The following ASF1B variants were observed in gnomAD, a reference collection of about 807,000 sequenced individuals.
The protein encoded by ASF1B is histone chaperone ASF1B.
ASF1B carries 10 observed loss-of-function variants against 16.6 expected under a neutral mutation model. The ratio of observed to expected loss-of-function variants is 0.60; its 90% confidence interval spans 0.37 to 1.02. ASF1B has a LOEUF of 1.02. Among genes scored for constraint, ASF1B ranks in the 50% least tolerant of loss-of-function variants. The pLI, the probability that ASF1B is intolerant of heterozygous loss-of-function variation, is 0.01. For missense variants in ASF1B, 240 were observed against 266.0 expected (o/e 0.90, Z 0.68); for synonymous variants, 101 against 106.2 (o/e 0.95, Z 0.30).
chr19:14,121,483 A>G lies in ASF1B; in HGVS notation c.402+49T>C, dbSNP rs372374213. On this transcript the variant is annotated intron_variant, in intron 3 of 3. Coordinates refer to ENST00000263382, the MANE Select transcript of ASF1B (RefSeq NM_018154.3). ...AATTTGAATGGCTGAACTCCCCCCA[A>G]GTATAAAGAACGGCCTTGTGGGAAG... The G allele has an allele frequency of 2.0e-4, 318 of 1,580,394 alleles. 1 individual carries two copies. The highest frequency in any genetic ancestry group is 5.4e-4 in the Admixed American group (31 of 57,154).
rs751350969 is a variant in ASF1B, at chr19:14,121,515, G to T, written c.402+17C>A. The T allele has an allele frequency of 8.7e-6, 14 of 1,609,794 alleles. No homozygotes were observed. Among genetic ancestry groups the T allele is most frequent in the Non-Finnish European group, 8.5e-7 (1 of 1,177,108 alleles). On this transcript the variant is annotated intron_variant, in intron 3 of 3. Transcript: ENST00000263382. ...AGAACGGCCTTGTGGGAAGCAGGAAGTGGAAACAGGCCCCACCTGGGAGAA... is the reference window on the plus strand; with the variant it reads ...AGAACGGCCTTGTGGGAAGCAGGAATTGGAAACAGGCCCCACCTGGGAGAA...
At chr19:14,121,509 C>G in intron 3 of ASF1B, 23 bp downstream of exon 3, 1 of 1,607,648 alleles carries the variant, frequency 6.2e-7, no homozygotes, top group African/African-American at 1.3e-5. Flanking sequence ...TTGTGGGAAG[C>G]AGGAAGTGGA....
At position 14,119,529 on chromosome 19, in the gene ASF1B, T is replaced by C. The variant is rs1967200892; in HGVS notation, c.*930A>G. 6.6e-6 allele frequency: 1 copy of C among 152,662 alleles called. No individual in the cohort carries two copies. The highest frequency in any genetic ancestry group is 1.5e-5 in the Non-Finnish European group (1 of 68,048). The allele number at this position is 152,662 out of a possible 1,614,324, so 9.5% of individuals were successfully genotyped here. The stretch of plus-strand genomic sequence containing the variant: ...AACAATCATTCTAAATGAAGTGCTT[T>C]TAATTTTCAGACCAAACATTTTTAA... On this transcript the variant is annotated 3_prime_UTR_variant, in exon 4 of 4. Transcript: ENST00000263382.
rs758737830 is a variant in ASF1B, at chr19:14,123,696, T to G, written c.226-1988A>C. Among the ~76,000 whole-genome samples, 30 of 151,560 alleles carry G rather than the reference T, an allele frequency of 2.0e-4. 1 individual carries two copies. The highest frequency in any genetic ancestry group is 3.3e-4 in the Admixed American group (5 of 15,226). ...CACCGGCCTTCTTTTTTTAAAGAGATAGCTTTTCCCTCTGTCATCCAGACT... is the reference window on the plus strand; with the variant it reads ...CACCGGCCTTCTTTTTTTAAAGAGAGAGCTTTTCCCTCTGTCATCCAGACT... On this transcript the variant is annotated intron_variant, in intron 2 of 3. Transcript: ENST00000263382.
At chr19:14,123,074 A>C (rs1461366413) in intron 2 of ASF1B, among the ~76,000 whole-genome samples, 1 of 152,240 alleles carries the variant, frequency 6.6e-6, no homozygotes, top group Non-Finnish European at 1.5e-5. Context: ...AAACCAATGC[A>C]AAATGAAAAC....
intron 2 of ASF1B, among the ~76,000 whole-genome samples, chr19:14,124,020 G>C (rs545126019): frequency 6.6e-6 from 1 of 152,104 alleles, no homozygotes; most frequent in East Asian, 1.9e-4. Flanking sequence ...TTTAACTCCT[G>C]ACCCCAAGTG....
At chr19:14,128,119 G>A (rs182483544) in intron 1 of ASF1B, among the ~76,000 whole-genome samples, 1 of 151,516 alleles carries the variant, frequency 6.6e-6, no homozygotes, top group African/African-American at 2.5e-5. Flanking sequence ...GTACAGGGAG[G>A]CTTGGCAAGA....
chr19:14,130,631 C>T (rs1265299847), intron 1 of ASF1B, among the ~76,000 whole-genome samples: 1 of 151,882 alleles, frequency 6.6e-6, no homozygotes, highest in Non-Finnish European at 1.5e-5. Flanking sequence ...AGCAGGAACT[C>T]ATAGCTATGA....
intron 2 of ASF1B, among the ~76,000 whole-genome samples, chr19:14,124,427 G>A (rs1009460483): frequency 1.3e-5 from 2 of 152,090 alleles, no homozygotes; most frequent in African/African-American, 4.8e-5. Flanking sequence ...AGTGCTGGAA[G>A]CCACCACACC....
Position 14,120,608 on chromosome 19 carries a change from C to A in ASF1B, c.460G>T (p.Asp154Tyr), listed in dbSNP as rs1263211496. The A allele has an allele frequency of 6.2e-7, 1 of 1,614,098 alleles. No homozygotes were observed. Among genetic ancestry groups the A allele is most frequent in the South Asian group, 1.1e-5 (1 of 91,080 alleles). Residue 154 changes from aspartate (D) to tyrosine (Y), a missense_variant, in exon 4 of 4, where the codon GAC (aspartate) becomes TAC (tyrosine). By Grantham distance (160) the Asp-to-Tyr change is radical. Transcript: ENST00000263382. ...GCCTCCAGCCTGTCCATGTTGTTGT[C>A]CCAGTTGATATGGAAGCGGGTCACC... Reference protein sequence around the residue: ...PRVTRFHINWDNNMDRLEAIE... With the variant: ...PRVTRFHINWYNNMDRLEAIE...
chr19:14,125,395 G>A (rs985354797), intron 2 of ASF1B, among the ~76,000 whole-genome samples: 1 of 152,174 alleles, frequency 6.6e-6, no homozygotes, highest in Non-Finnish European at 1.5e-5. Flanking sequence ...TTCAGTGTTC[G>A]CGGCAACTTT....
rs1967211818 is a variant in ASF1B, at chr19:14,120,197, T to C, written c.*262A>G. 9.0e-6 allele frequency: 4 copies of C among 444,360 alleles called. No homozygotes were observed. Among genetic ancestry groups the C allele is most frequent in the Admixed American group, 8.6e-5 (2 of 23,230 alleles). 27.5% of individuals were successfully genotyped at this position (444,360 alleles called of 1,614,324 possible). A position where few individuals can be genotyped will look rare whatever the true frequency, so the allele number is the denominator to read the frequency against. ...TGCACAGTGGCACAGTGGCCTTAGT[T>C]AGAATTTATGAAGACGAAAAGAACA... On this transcript the variant is annotated 3_prime_UTR_variant, in exon 4 of 4. Coordinates refer to ENST00000263382, the MANE Select transcript of ASF1B (RefSeq NM_018154.3).
In ASF1B at chr19:14,120,441, C is replaced by T. The variant is rs746157443; in HGVS notation, c.*18G>A. 2 of 1,611,496 alleles carry T rather than the reference C, an allele frequency of 1.2e-6. No homozygotes were observed. The highest frequency in any genetic ancestry group is 1.1e-5 in the South Asian group (1 of 90,910). On this transcript the variant is annotated 3_prime_UTR_variant, in exon 4 of 4. Coordinates refer to ENST00000263382, the MANE Select transcript of ASF1B (RefSeq NM_018154.3). Reference sequence around the variant, plus strand: ...GGTTGCCCCTCCCGGCGTGCTGGGACACTCTGGGTTCCTGCAGTTAGATGC... The same window carrying T: ...GGTTGCCCCTCCCGGCGTGCTGGGATACTCTGGGTTCCTGCAGTTAGATGC...
intron 1 of ASF1B, among the ~76,000 whole-genome samples, chr19:14,127,291 G>A (rs549823120): frequency 4.2e-4 from 64 of 152,224 alleles, no homozygotes; most frequent in Non-Finnish European, 7.5e-4. Flanking sequence ...AGGCCTGAGC[G>A]TGAACTGTAT....
At chr19:14,133,298 AT>A (rs1232156136) in intron 1 of ASF1B, among the ~76,000 whole-genome samples, 1 of 152,170 alleles carries the variant, frequency 6.6e-6, no homozygotes, top group African/African-American at 2.4e-5. Context: ...AAGAATTTAG[AT>A]TCAAAACTTC....
Position 14,126,092 on chromosome 19 carries a change from G to A in ASF1B, c.225+30C>T, listed in dbSNP as rs772162700. The A allele has an allele frequency of 1.7e-5, 25 of 1,483,748 alleles. No homozygotes were observed. In the Admixed American group the frequency reaches 4.5e-4, roughly 27 times the overall value. The allele number at this position is 1,483,748 out of a possible 1,614,324, so 91.9% of individuals were successfully genotyped here. A position where few individuals can be genotyped will look rare whatever the true frequency, so the allele number is the denominator to read the frequency against. On this transcript the variant is annotated intron_variant, in intron 2 of 3. Transcript: ENST00000263382. Reference sequence around the variant, plus strand: ...AAAGAGGATGTTTCTAGGAATCAAGGGCTAAGGCCTAAGGCCTCATCTTTC... The same window carrying A: ...AAAGAGGATGTTTCTAGGAATCAAGAGCTAAGGCCTAAGGCCTCATCTTTC...
At chr19:14,134,925 A>T (rs1291475181) in intron 1 of ASF1B, among the ~76,000 whole-genome samples, 4 of 101,702 alleles carry the variant, frequency 3.9e-5, no homozygotes, top group South Asian at 2.7e-4. Flanking sequence ...AGCTATATTA[A>T]AAAAAAAAAA....
At chr19:14,123,770 G>A (rs1190625111) in intron 2 of ASF1B, among the ~76,000 whole-genome samples, 2 of 150,406 alleles carry the variant, frequency 1.3e-5, no homozygotes, top group Non-Finnish European at 3.0e-5. Context: ...TGGAACTCCT[G>A]GGCTCAAGCG....
intron 3 of ASF1B, among the ~76,000 whole-genome samples, chr19:14,121,009 CG>C (rs2144507590): frequency 6.6e-6 from 1 of 152,110 alleles, no homozygotes. Context: ...TTAGTAGAGA[CG>C]GGCTTTCACC....
Sources: gnomAD v4.1 joint callset for allele counts (sites outside exome capture counted in the v4.1 genomes callset) on GRCh38, gnomAD v4.1.1 for gene constraint, MANE v1.5 for transcripts, NCBI Gene and HGNC (gene_info 2026-07-23, HGNC 2026-07-21) for gene names.